The following INVS variants were observed in gnomAD, a reference collection of about 807,000 sequenced individuals.
INVS encodes inversion of embryo turning homolog.
In INVS, 86 loss-of-function variants were observed where a neutral mutation model predicts 108.8. The ratio of observed to expected loss-of-function variants is 0.79; its 90% CI spans 0.66 to 0.95. The LOEUF (loss-of-function observed/expected upper bound fraction) is 0.95. Ranked by LOEUF, INVS falls within the 40% of genes least tolerant of loss-of-function variation. The pLI is 0.00. For missense variants in INVS, 1,169 were observed against 1,297.4 expected (o/e 0.90, Z 1.52); for synonymous variants, 455 against 473.5 (o/e 0.96, Z 0.51).
intron 2 of INVS, among the ~76,000 whole-genome samples, chr9:100,121,338 C>A (rs1473557987): frequency 1.3e-5 from 2 of 152,154 alleles, no homozygotes; most frequent in African/African-American, 4.8e-5. Flanking sequence ...CCTGCCCACA[C>A]TCAAGAGGAA....
Position 100,302,111 on chromosome 9 carries a change from A to C in INVS, c.*1437A>C, listed in dbSNP as rs1278950241. On this transcript the variant is annotated 3_prime_UTR_variant, in exon 17 of 17. Coordinates refer to ENST00000262457, the MANE Select transcript of INVS (RefSeq NM_014425.5). Reference sequence around the variant, plus strand: ...CTTTAAAAGTTCAGCTTTAATGACAAAGATCTATTACATCAGTCTTTTTCT... The same window carrying C: ...CTTTAAAAGTTCAGCTTTAATGACACAGATCTATTACATCAGTCTTTTTCT... 1.2e-6 allele frequency: 1 copy of C among 825,926 alleles called. No individual in the cohort carries two copies. Among genetic ancestry groups the C allele is most frequent in the African/African-American group, 1.7e-5 (1 of 58,528 alleles). The allele number at this position is 825,926 out of a possible 1,614,324, so 51.2% of individuals were successfully genotyped here.
At chr9:100,216,545 T>C (rs1830993767) in intron 3 of INVS, among the ~76,000 whole-genome samples, 1 of 152,246 alleles carries the variant, frequency 6.6e-6, no homozygotes, top group Admixed American at 6.5e-5. Context: ...ATCAGATACA[T>C]AGAACAGTTG....
intron 3 of INVS, among the ~76,000 whole-genome samples, chr9:100,131,709 T>C (rs2118913658): frequency 6.6e-6 from 1 of 152,320 alleles, no homozygotes; most frequent in African/African-American, 2.4e-5. Flanking sequence ...TCCAGGAGGT[T>C]ATTTATTTGG....
chr9:100,140,594 C>T (rs1271759528), intron 3 of INVS, among the ~76,000 whole-genome samples: 1 of 152,146 alleles, frequency 6.6e-6, no homozygotes, highest in Non-Finnish European at 1.5e-5. Flanking sequence ...CCTGACATTC[C>T]TGTCTTCTTA....
chr9:100,173,484 T>G (rs1271356538), intron 3 of INVS, among the ~76,000 whole-genome samples: 1 of 152,140 alleles, frequency 6.6e-6, no homozygotes, highest in Non-Finnish European at 1.5e-5. Flanking sequence ...TCCCAGCACT[T>G]TGGGAGGCCA....
At chr9:100,192,919 A>C (rs1830265568) in intron 3 of INVS, among the ~76,000 whole-genome samples, 1 of 151,534 alleles carries the variant, frequency 6.6e-6, no homozygotes, top group African/African-American at 2.4e-5. Context: ...TACTACAATA[A>C]GACACTAACC....
intron 3 of INVS, chr9:100,129,653 AAT>A (rs1255877666): frequency 1.5e-6 from 1 of 665,572 alleles, no homozygotes; most frequent in Non-Finnish European, 2.8e-6. Context: ...AACTGAATAA[AAT>A]ACTATATACA....
chr9:100,208,852 T>G (rs1830749775), intron 3 of INVS, among the ~76,000 whole-genome samples: 1 of 152,220 alleles, frequency 6.6e-6, no homozygotes. Context: ...AAAGCTGTTT[T>G]GTTTACAGAT....
chr9:100,287,551 G>A (rs1833486577), intron 13 of INVS, among the ~76,000 whole-genome samples: 1 of 152,172 alleles, frequency 6.6e-6, no homozygotes, highest in Admixed American at 6.5e-5. Flanking sequence ...CCAGTGTTCG[G>A]GGAGGGACTT....
intron 3 of INVS, among the ~76,000 whole-genome samples, chr9:100,188,729 T>C (rs1024054442): frequency 3.3e-5 from 5 of 151,996 alleles, no homozygotes; most frequent in African/African-American, 1.2e-4. Context: ...ATTACCTCTT[T>C]CTCAATCTTT....
intron 3 of INVS, among the ~76,000 whole-genome samples, chr9:100,127,087 T>C (rs529642746): frequency 4.1e-4 from 62 of 152,146 alleles, no homozygotes; most frequent in African/African-American, 1.3e-3. Context: ...TCCCAGCTAC[T>C]TGTGGGGCTC....
In INVS at chr9:100,293,045, T is replaced by G. The variant is rs1322951938; in HGVS notation, c.2786+2T>G. ...AGTCATCCAGCGCGCCTGGCGAAGG[T>G]AGGAAAATGGGGTGCTGCCGCATCT... On this transcript the variant is annotated splice_donor_variant, in intron 14 of 16. Coordinates refer to ENST00000262457, the MANE Select transcript of INVS (RefSeq NM_014425.5). LOFTEE classifies it high-confidence loss of function. The G allele has an allele frequency of 1.2e-6, 2 of 1,612,180 alleles. No homozygotes were observed. Among genetic ancestry groups the G allele is most frequent in the East Asian group, 4.5e-5 (2 of 44,890 alleles).
chr9:100,164,693 T>A (rs1490070960), intron 3 of INVS, among the ~76,000 whole-genome samples: 1 of 152,248 alleles, frequency 6.6e-6, no homozygotes, highest in Non-Finnish European at 1.5e-5. Flanking sequence ...GTAACAAGAA[T>A]CACTTAATAT....
intron 5 of INVS, among the ~76,000 whole-genome samples, chr9:100,231,557 T>A (rs972338947): frequency 2.1e-5 from 3 of 142,144 alleles, no homozygotes; most frequent in Non-Finnish European, 4.6e-5. Flanking sequence ...CCTCCCTGTG[T>A]CCATGTGTTC....
chr9:100,179,316 A>G (rs1418177372), intron 3 of INVS, among the ~76,000 whole-genome samples: 6 of 152,336 alleles, frequency 3.9e-5, no homozygotes, highest in Admixed American at 3.3e-4. Context: ...AATGGTCTAA[A>G]TGCCCCAATT....
intron 3 of INVS, among the ~76,000 whole-genome samples, chr9:100,223,527 A>T (rs1233891763): frequency 6.6e-6 from 1 of 152,222 alleles, no homozygotes; most frequent in Non-Finnish European, 1.5e-5. Flanking sequence ...GAGCACAGGG[A>T]TCAATAAAAC....
chr9:100,142,237 A>G (rs1828456354), intron 3 of INVS, among the ~76,000 whole-genome samples: 1 of 152,180 alleles, frequency 6.6e-6, no homozygotes, highest in Non-Finnish European at 1.5e-5. Context: ...GGTGCACGAT[A>G]TGAAAGGCAT....
chr9:100,198,375 G>A (rs900109832), intron 3 of INVS, among the ~76,000 whole-genome samples: 3 of 133,928 alleles, frequency 2.2e-5, no homozygotes, highest in African/African-American at 8.5e-5. Flanking sequence ...TTGGCTCACC[G>A]CAACCTCTGT....
intron 12 of INVS, among the ~76,000 whole-genome samples, chr9:100,281,872 G>T (rs1022024724): frequency 3.9e-5 from 6 of 152,292 alleles, no homozygotes; most frequent in Admixed American, 1.3e-4. Context: ...AAGGTTTGCA[G>T]TGATAAGGTT....
Sources: gnomAD v4.1 joint callset for allele counts (sites outside exome capture counted in the v4.1 genomes callset) on GRCh38, gnomAD v4.1.1 for gene constraint, MANE v1.5 for transcripts, NCBI Gene and HGNC (gene_info 2026-07-23, HGNC 2026-07-21) for gene names.